The following NAGPA variants were observed in gnomAD, a reference collection of about 807,000 sequenced individuals.
NAGPA encodes alpha-N-acetylglucosaminyl phosphodiesterase.
A neutral mutation model predicts 48.5 loss-of-function variants in NAGPA; 56 were observed. That is an observed-to-expected ratio of 1.15 (90% CI 0.93 to 1.44). The LOEUF (loss-of-function observed/expected upper bound fraction) is 1.44. NAGPA is among the 40% of genes most tolerant of loss of function. NAGPA has a pLI of 0.00. For missense variants in NAGPA, 888 were observed against 735.0 expected (o/e 1.21, Z -2.41); for synonymous variants, 399 against 315.5 (o/e 1.26, Z -2.81).
Position 5,026,214 on chromosome 16 carries a change from C to G in NAGPA, c.1341-529G>C, listed in dbSNP as rs368363650. On this transcript the variant is annotated intron_variant, in intron 9 of 9. Transcript: ENST00000312251. ...AAAGTGCTAGGATTACAGGCGTGAG[C>G]CACCACGCCTGGCCTGATATTTTAA... Among the ~76,000 whole-genome samples the G allele has an allele frequency of 9.4e-4, 141 of 149,404 alleles. 1 individual carries two copies. Among genetic ancestry groups the G allele is most frequent in the Middle Eastern group, 6.9e-3 (2 of 290 alleles).
intron 2 of NAGPA, chr16:5,032,940 T>C: frequency 2.4e-6 from 1 of 423,780 alleles, no homozygotes; most frequent in Non-Finnish European, 4.3e-6. Flanking sequence ...GTTCACCCCG[T>C]TGGTTGCTTT....
chr16:5,033,591 C>T lies in NAGPA; in HGVS notation c.224G>A (p.Gly75Asp), dbSNP rs750799727. ...PPPPATPGAG[G>D]LAVRTFVSHF... ...CGACACGAAGGTGCGCACGGCCAGA[C>T]CGCCGGCGCCGGGAGTCGCGGGAGG... The change falls in exon 2 of 10, where the codon GGT becomes GAT. Residue 75 changes from glycine to aspartate, a missense_variant. By Grantham distance (94) the Gly-to-Asp change is moderately conservative. Transcript: ENST00000312251. This position sits in a 1 kb window ranked among gnomAD's most constrained non-coding sequence, Gnocchi z 4.2. 1 of 1,485,022 alleles carries T rather than the reference C, an allele frequency of 6.7e-7. No individual in the cohort carries two copies. The highest frequency in any genetic ancestry group is 1.3e-5 in the South Asian group (1 of 76,388). 92.0% of individuals were successfully genotyped at this position (1,485,022 alleles called of 1,614,324 possible). A position where few individuals can be genotyped will look rare whatever the true frequency, so the allele number is the denominator to read the frequency against.
At chr16:5,030,150 T>C in intron 4 of NAGPA, 1 of 591,592 alleles carries the variant, frequency 1.7e-6, no homozygotes, top group Non-Finnish European at 3.0e-6. Flanking sequence ...TTTCCTTGTA[T>C]CCTATCTAGG....
rs1956138618 is a variant in NAGPA at position 5,033,333 on chromosome 16, C to CTGCTCACCCGCCGCTCGT, written c.464_481dup (p.Ser160_Ser161insAsnGluArgArgValSer). 1.3e-6 allele frequency: 2 copies of CTGCTCACCCGCCGCTCGT among 1,597,668 alleles called. No individual in the cohort carries two copies. The highest frequency in any genetic ancestry group is 4.5e-5 in the East Asian group (2 of 44,786). On this transcript the variant is annotated inframe_insertion, in exon 2 of 10. Transcript: ENST00000312251. This position sits in a 1 kb window ranked among gnomAD's most constrained non-coding sequence, Gnocchi z 4.2. ...CTGCGCGTTCTGCAGCCCCCCGGAG[C>CTGCTCACCCGCCGCTCGT]TGCTCACCCGCCGCTCGTCGCTCAC...
At chr16:5,027,509 C>T in intron 7 of NAGPA, 130 bp from the exon 8 acceptor site, 1 of 969,882 alleles carries the variant, frequency 1.0e-6, no homozygotes, top group Non-Finnish European at 1.6e-6. Flanking sequence ...AGGTGAAGCA[C>T]CCCCTGCCCT....
Position 5,027,311 on chromosome 16 carries a change from C to G in NAGPA, c.1243G>C (p.Asp415His), listed in dbSNP as rs147782887. 65 of 1,614,180 alleles carry G rather than the reference C, an allele frequency of 4.0e-5. No homozygotes were observed. Among genetic ancestry groups the G allele is most frequent in the Non-Finnish European group, 5.3e-5 (62 of 1,180,034 alleles). The change falls in exon 8 of 10, where the codon GAC becomes CAC. Residue 415 changes from aspartate (D) to histidine (H), a missense_variant. Transcript: ENST00000312251. The part of the protein sequence containing the change: ...PCKCEHHCPC[D>H]PKTGNCSVSR... ...ACGCTGCAGTTGCCAGTCTTGGGGT[C>G]ACAGGGACAATGGTGCTCACACTTA...
At position 5,029,028 on chromosome 16, in the gene NAGPA, T is replaced by C. The variant is rs1313827382; in HGVS notation, c.792-20A>G. On this transcript the variant is annotated intron_variant, in intron 4 of 9. Transcript: ENST00000312251. The stretch of plus-strand genomic sequence containing the variant: ...TTGATGCTGCGGCACAAAGCGGCGC[T>C]GCTCAGGCTCAGCGCCCACCATCAT... 1.2e-6 allele frequency: 2 copies of C among 1,611,726 alleles called. No individual in the cohort carries two copies. The highest frequency in any genetic ancestry group is 2.2e-5 in the East Asian group (1 of 44,892).
chr16:5,027,251 T>TA, intron 8 of NAGPA, 27 bp downstream of exon 8: 4 of 1,614,004 alleles, frequency 2.5e-6, no homozygotes, highest in Non-Finnish European at 3.4e-6. Context: ...CGTCTGCCCA[T>TA]ACCCCTCCCC....
chr16:5,031,714 A>T, intron 3 of NAGPA, 31 bp downstream of exon 3: 1 of 1,613,936 alleles, frequency 6.2e-7, no homozygotes, highest in Non-Finnish European at 8.5e-7. Context: ...GGTTCTCGAG[A>T]GGGTTGTTGC....
intron 4 of NAGPA, 150 bp from the exon 5 acceptor site, chr16:5,029,158 C>G: frequency 3.0e-6 from 4 of 1,338,044 alleles, no homozygotes; most frequent in Non-Finnish European, 4.2e-6. Flanking sequence ...TCCTAGCCCC[C>G]GGAAGCTGTG....
Position 5,033,684 on chromosome 16 carries a change from C to G in NAGPA, c.131G>C (p.Arg44Pro), listed in dbSNP as rs374266430. 1.7e-4 allele frequency: 266 copies of G among 1,594,896 alleles called. 3 individuals are homozygous for G. In the South Asian group the frequency reaches 2.8e-3, roughly 17 times the overall value. The change falls in exon 2 of 10, where the codon CGC (arginine) becomes CCC (proline). Residue 44 changes from arginine to proline, a missense_variant. Arg to Pro is a moderately radical substitution (Grantham distance 103, BLOSUM62 -2). Transcript: ENST00000312251. The surrounding 1 kb of genome is among the most constrained non-coding windows in gnomAD (Gnocchi z 4.2). Reference protein sequence around the residue: ...DDLLLPYPRARARLPRDCTRV... With the variant: ...DDLLLPYPRAPARLPRDCTRV... Reference sequence around the variant, plus strand: ...TGTGCAGTCCCGGGGGAGGCGCGCGCGCGCGCGTGGATAGGGCAGTAGCAA... The same window carrying G: ...TGTGCAGTCCCGGGGGAGGCGCGCGGGCGCGCGTGGATAGGGCAGTAGCAA...
At position 5,033,563 on chromosome 16, in the gene NAGPA, G is replaced by A; in HGVS notation, c.252C>T (p.His84=). Residue 84 remains histidine, a synonymous_variant, in exon 2 of 10, where the codon CAC becomes CAT. Coordinates refer to ENST00000312251, the MANE Select transcript of NAGPA (RefSeq NM_016256.4). This position sits in a 1 kb window ranked among gnomAD's most constrained non-coding sequence, Gnocchi z 4.2. ...GGLAVRTFVS[H]FRDRAVAGHL... ...GGCCGGCCACCGCGCGGTCCCTGAA[G>A]TGCGACACGAAGGTGCGCACGGCCA... The A allele has an allele frequency of 7.3e-6, 11 of 1,505,860 alleles. No homozygotes were observed. Among genetic ancestry groups the A allele is most frequent in the Non-Finnish European group, 9.7e-6 (11 of 1,136,852 alleles). The allele number at this position is 1,505,860 out of a possible 1,614,324, so 93.3% of individuals were successfully genotyped here. A position where few individuals can be genotyped will look rare whatever the true frequency, so the allele number is the denominator to read the frequency against.
intron 4 of NAGPA, chr16:5,030,013 T>C: frequency 2.6e-6 from 1 of 380,446 alleles, no homozygotes; most frequent in Non-Finnish European, 4.9e-6. Context: ...AACACTCTCT[T>C]TACAGGGGCT....
Position 5,033,834 on chromosome 16 carries a change from G to T in NAGPA, c.81C>A (p.Asp27Glu), listed in dbSNP as rs1956152510. 1 of 1,551,484 alleles carries T rather than the reference G, an allele frequency of 6.4e-7. No homozygotes were observed. Among genetic ancestry groups the T allele is most frequent in the Non-Finnish European group, 8.7e-7 (1 of 1,148,108 alleles). Residue 27 changes from aspartate (D) to glutamate (E), a missense_variant, in exon 1 of 10, where the codon GAC becomes GAA. Asp to Glu is a conservative substitution (Grantham distance 45, BLOSUM62 2). Coordinates refer to ENST00000312251, the MANE Select transcript of NAGPA (RefSeq NM_016256.4). The surrounding 1 kb of genome is among the most constrained non-coding windows in gnomAD (Gnocchi z 4.2). ...GFLWEASGGLDSGASRDDDLL... is the reference protein window; with the variant it reads ...GFLWEASGGLESGASRDDDLL... ...GCCCAGGGAGCTGCACTCACCCCGA[G>T]TCGAGGCCGCCGGACGCTTCCCAGA...
At chr16:5,029,254 C>T in intron 4 of NAGPA, 1 of 560,814 alleles carries the variant, frequency 1.8e-6, no homozygotes. Context: ...GATCTGGGTG[C>T]AGCCACTGGA....
At chr16:5,025,776 G>T in intron 9 of NAGPA, 91 bp from the exon 10 acceptor site, 1 of 1,353,030 alleles carries the variant, frequency 7.4e-7, no homozygotes, top group Non-Finnish European at 1.0e-6. Context: ...ACCCGGCATA[G>T]ATAGCACTAA....
intron 4 of NAGPA, chr16:5,029,232 A>C: frequency 1.5e-6 from 1 of 661,746 alleles, no homozygotes. Flanking sequence ...AGGGAGGGGA[A>C]ACGGCCCGGA....
At chr16:5,028,515 G>A (rs1265664078) in intron 5 of NAGPA, 12 of 600,426 alleles carry the variant, frequency 2.0e-5, no homozygotes, top group East Asian at 1.0e-4. Flanking sequence ...GATTCCAGGC[G>A]TGAGCCCCTG....
At position 5,027,399 on chromosome 16, in the gene NAGPA, G is replaced by A. The variant is rs763511025; in HGVS notation, c.1175-20C>T. ...GACACTCTATGGAAAGGAGATGGGA[G>A]GAGGGAGGAGGGAGGAGAAAGGTTG... On this transcript the variant is annotated intron_variant, in intron 7 of 9. Transcript: ENST00000312251. 9 of 557,222 alleles carry A rather than the reference G, an allele frequency of 1.6e-5. No homozygotes were observed. The African/African-American group carries it at 2.4e-4, about 15-fold the overall frequency. 34.5% of individuals were successfully genotyped at this position (557,222 alleles called of 1,614,324 possible). A position where few individuals can be genotyped will look rare whatever the true frequency, so the allele number is the denominator to read the frequency against.
Sources: gnomAD v4.1 joint callset for allele counts (sites outside exome capture counted in the v4.1 genomes callset) on GRCh38, gnomAD v4.1.1 for gene constraint, Gnocchi (gnomAD v3.1) non-coding constraint, MANE v1.5 for transcripts, NCBI Gene and HGNC (gene_info 2026-07-23, HGNC 2026-07-21) for gene names.